The following HS3ST4 variants were observed in gnomAD, a reference collection of about 807,000 sequenced individuals.
HS3ST4 encodes the protein heparan sulfate-glucosamine 3-sulfotransferase 4.
In HS3ST4, 17 loss-of-function variants were observed where a neutral mutation model predicts 29.2. The observed-to-expected ratio is 0.58, with a 90% CI of 0.40 to 0.87. The LOEUF is 0.87. HS3ST4 is among the 40% of genes least tolerant of loss of function. The pLI is 0.00. For synonymous variants in HS3ST4, 314 were observed against 285.7 expected (o/e 1.10, Z -1.00); for missense variants, 627 against 634.5 (o/e 0.99, Z 0.13).
chr16:25,747,661 G>T (rs1966693369), intron 1 of HS3ST4, among the ~76,000 whole-genome samples: 1 of 152,234 alleles, frequency 6.6e-6, no homozygotes, highest in South Asian at 2.1e-4. Context: ...GGTTCCTTCT[G>T]ACACCAATGT....
At chr16:25,765,885 G>T (rs535952559) in intron 1 of HS3ST4, among the ~76,000 whole-genome samples, 1 of 152,154 alleles carries the variant, frequency 6.6e-6, no homozygotes, top group Non-Finnish European at 1.5e-5. Flanking sequence ...GATGTGGTTG[G>T]ACCGTGGCTG....
At chr16:25,894,095 A>G (rs975443155) in intron 1 of HS3ST4, among the ~76,000 whole-genome samples, 10 of 152,040 alleles carry the variant, frequency 6.6e-5, no homozygotes, top group African/African-American at 2.2e-4. Flanking sequence ...TCAAGTCGCT[A>G]TTTTCTTACC....
intron 1 of HS3ST4, among the ~76,000 whole-genome samples, chr16:25,843,774 T>C (rs1967438671): frequency 6.6e-6 from 1 of 152,244 alleles, no homozygotes; most frequent in Non-Finnish European, 1.5e-5. Flanking sequence ...GGCAGCAGCC[T>C]GTGACATTGC....
chr16:25,931,128 G>T (rs111761526), intron 1 of HS3ST4, among the ~76,000 whole-genome samples: 1 of 116,808 alleles, frequency 8.6e-6, no homozygotes, highest in Non-Finnish European at 2.0e-5. Flanking sequence ...CCTCCACCCC[G>T]GGAAATGCGG....
chr16:26,122,125 A>G (rs1458974440), intron 1 of HS3ST4, among the ~76,000 whole-genome samples: 1 of 148,166 alleles, frequency 6.7e-6, no homozygotes, highest in African/African-American at 2.5e-5. Context: ...CTTAAGAATT[A>G]TTGCAAGAGA....
At chr16:25,868,190 C>G (rs767345538) in intron 1 of HS3ST4, among the ~76,000 whole-genome samples, 4 of 152,078 alleles carry the variant, frequency 2.6e-5, no homozygotes, top group Non-Finnish European at 5.9e-5. Context: ...AAGTGAGGTG[C>G]TGCCAGGATG....
chr16:25,725,403 C>G (rs1966527534), intron 1 of HS3ST4, among the ~76,000 whole-genome samples: 1 of 152,046 alleles, frequency 6.6e-6, no homozygotes, highest in South Asian at 2.1e-4. Flanking sequence ...TAGAAAATAC[C>G]AAAAGTACAT....
intron 1 of HS3ST4, among the ~76,000 whole-genome samples, chr16:25,872,277 A>C (rs553197450): frequency 8.8e-6 from 1 of 113,584 alleles, no homozygotes; most frequent in South Asian, 3.8e-4. Context: ...TGGCTTTGTC[A>C]CACCAGTGTG....
intron 1 of HS3ST4, among the ~76,000 whole-genome samples, chr16:25,817,837 G>C (rs1217463030): frequency 6.6e-6 from 1 of 152,122 alleles, no homozygotes; most frequent in Non-Finnish European, 1.5e-5. Context: ...TGCCTCTGTG[G>C]CTAGGGATAT....
chr16:25,864,169 C>G (rs559694457), intron 1 of HS3ST4, among the ~76,000 whole-genome samples: 2 of 152,324 alleles, frequency 1.3e-5, no homozygotes, highest in African/African-American at 4.8e-5. Flanking sequence ...TTTCTCCCAG[C>G]TTTATTAAGG....
intron 1 of HS3ST4, among the ~76,000 whole-genome samples, chr16:26,075,328 T>C (rs1490001476): frequency 2.6e-5 from 4 of 152,210 alleles, no homozygotes; most frequent in African/African-American, 9.6e-5. Context: ...TCTCCCATAG[T>C]ACTCAGAGCA....
chr16:25,963,046 AG>A (rs1968809998), intron 1 of HS3ST4, among the ~76,000 whole-genome samples: 2 of 152,190 alleles, frequency 1.3e-5, no homozygotes, highest in South Asian at 4.1e-4. Context: ...ATTCTGAAGC[AG>A]GGGTAGCAGA....
chr16:25,816,143 T>C (rs1430421162), intron 1 of HS3ST4, among the ~76,000 whole-genome samples: 1 of 152,216 alleles, frequency 6.6e-6, no homozygotes, highest in East Asian at 1.9e-4. Flanking sequence ...ATCCCAATCA[T>C]GTGACCATGA....
At chr16:25,832,068 T>G (rs1402783419) in intron 1 of HS3ST4, among the ~76,000 whole-genome samples, 1 of 151,872 alleles carries the variant, frequency 6.6e-6, no homozygotes, top group Non-Finnish European at 1.5e-5. Context: ...GATGATACCA[T>G]TGCACTTCAG....
chr16:25,760,258 G>C (rs116286555), intron 1 of HS3ST4, among the ~76,000 whole-genome samples: 2,329 of 152,246 alleles, frequency 0.015, 57 homozygotes, highest in African/African-American at 0.052. Flanking sequence ...CAAGATCAAA[G>C]TCTCAGAGAG....
intron 1 of HS3ST4, among the ~76,000 whole-genome samples, chr16:25,974,821 A>G (rs1279231061): frequency 6.6e-6 from 1 of 152,192 alleles, no homozygotes; most frequent in Non-Finnish European, 1.5e-5. Context: ...TGGTTCTTAA[A>G]TAACTCATAA....
intron 1 of HS3ST4, among the ~76,000 whole-genome samples, chr16:25,723,115 C>T (rs765135869): frequency 1.1e-4 from 17 of 152,144 alleles, no homozygotes; most frequent in Non-Finnish European, 2.1e-4. Context: ...CCTTATGATT[C>T]AGTTATCTCC....
At chr16:26,021,971 T>C (rs1314639834) in intron 1 of HS3ST4, among the ~76,000 whole-genome samples, 1 of 151,778 alleles carries the variant, frequency 6.6e-6, no homozygotes, top group African/African-American at 2.4e-5. Flanking sequence ...CTACTATTAT[T>C]ATTTTTTGGG....
At chr16:25,886,652 A>T (rs1967956611) in intron 1 of HS3ST4, 1 of 152,282 alleles carries the variant, frequency 6.6e-6, no homozygotes, top group South Asian at 2.1e-4. Context: ...AGTAGACAAG[A>T]TATTTCAGGC....
Sources: allele counts gnomAD v4.1 joint callset (sites outside exome capture counted in the v4.1 genomes callset), GRCh38; gene constraint gnomAD v4.1.1; transcripts MANE v1.5; gene names NCBI Gene and HGNC (gene_info 2026-07-23, HGNC 2026-07-21).